The following PRR16 variants were observed in gnomAD, a reference collection of about 807,000 sequenced individuals.
PRR16 encodes proline rich 16.
PRR16 carries 6 observed loss-of-function variants against 18.2 expected under a neutral mutation model. That is an observed-to-expected ratio of 0.33 (90% CI 0.18 to 0.65). The LOEUF (loss-of-function observed/expected upper bound fraction) is 0.65. PRR16 is among the 30% of genes least tolerant of loss of function. The probability of loss-of-function intolerance (pLI) is 0.74; values close to 1 mark genes in which losing one functional copy is unlikely to be tolerated. For missense variants in PRR16, 412 were observed against 376.6 expected, an observed-to-expected ratio of 1.09 and a Z score of -0.78; for synonymous variants, 151 against 147.8, an observed-to-expected ratio of 1.02 and a Z score of -0.16.
At chr5:120,570,921 TAAAC>T (rs1353930857) in intron 1 of PRR16, among the ~76,000 whole-genome samples, 6 of 152,174 alleles carry the variant, frequency 3.9e-5, no homozygotes, top group South Asian at 2.1e-4. Flanking sequence ...AGACAGGAAA[TAAAC>T]AAGTGAATAG....
rs1458091241 is a variant in PRR16 at position 120,685,948 on chromosome 5, C to T, written c.160-6C>T. ...TTCAAAACAATTACCTTGTCCTTTC[C>T]ACTAGGTGGTTGACCAGATTGACAC... On this transcript the variant is annotated splice_region_variant and splice_polypyrimidine_tract_variant and intron_variant, in intron 1 of 1. Coordinates refer to ENST00000407149, the MANE Select transcript of PRR16 (RefSeq NM_001300783.2). The T allele has an allele frequency of 3.1e-6, 5 of 1,608,838 alleles. No individual in the cohort carries two copies. The highest frequency in any genetic ancestry group is 1.3e-5 in the African/African-American group (1 of 74,918).
At chr5:120,634,307 G>A (rs776280716) in intron 1 of PRR16, among the ~76,000 whole-genome samples, 132 of 152,192 alleles carry the variant, frequency 8.7e-4, no homozygotes, top group African/African-American at 2.9e-3. Context: ...TAGCAAAAAC[G>A]TGCTAAGAAG....
At chr5:120,756,960 TTTAG>T in the PRR16 span, among the ~76,000 whole-genome samples, 1 of 152,044 alleles carries the variant, frequency 6.6e-6, no homozygotes, top group Admixed American at 6.6e-5. Flanking sequence ...TTAATCCTTC[TTTAG>T]TTAATTTAGT....
intron 1 of PRR16, among the ~76,000 whole-genome samples, chr5:120,595,405 A>C (rs1230656747): frequency 6.7e-6 from 1 of 149,596 alleles, no homozygotes. Flanking sequence ...ACCATTTCAC[A>C]TTAGTCAGAA....
At chr5:120,536,738 C>G (rs541623629) in intron 1 of PRR16, among the ~76,000 whole-genome samples, 1 of 152,262 alleles carries the variant, frequency 6.6e-6, no homozygotes, top group Non-Finnish European at 1.5e-5. Context: ...TAATATAGTT[C>G]CCTTTGTTTA....
intron 1 of PRR16, among the ~76,000 whole-genome samples, chr5:120,616,844 C>A (rs1380996657): frequency 2.0e-5 from 3 of 152,152 alleles, no homozygotes; most frequent in African/African-American, 7.2e-5. Context: ...GATTGATTGA[C>A]TGATCAATAC....
chr5:120,696,449 TTGTATTCAAGTTGAAGAAATTGTATAG>T, the PRR16 span, among the ~76,000 whole-genome samples: 8 of 152,300 alleles, frequency 5.3e-5, no homozygotes, highest in Admixed American at 2.6e-4. Context: ...TGTATTCAAG[TTGTATTCAAGTTGAAGAAATTGTATAG>T]TGTATTCAAG....
intron 1 of PRR16, among the ~76,000 whole-genome samples, chr5:120,487,222 A>G (rs1471539961): frequency 1.3e-5 from 2 of 152,186 alleles, no homozygotes; most frequent in East Asian, 1.9e-4. Context: ...CATTGAATCT[A>G]TAAATTACCT....
At chr5:120,794,149 T>G in the PRR16 span, among the ~76,000 whole-genome samples, 1 of 152,128 alleles carries the variant, frequency 6.6e-6, no homozygotes, top group African/African-American at 2.4e-5. Context: ...AAAGATTTAC[T>G]TGCACTGCCA....
At chr5:120,528,099 A>G (rs551517505) in intron 1 of PRR16, among the ~76,000 whole-genome samples, 5 of 152,334 alleles carry the variant, frequency 3.3e-5, no homozygotes, top group African/African-American at 9.6e-5. Context: ...TTCTCCTGCC[A>G]TGCAATGTTG....
At position 120,646,299 on chromosome 5, in the gene PRR16, C is replaced by G. The variant is rs1044323509; in HGVS notation, c.160-39655C>G. On this transcript the variant is annotated intron_variant, in intron 1 of 1. Coordinates refer to ENST00000407149, the MANE Select transcript of PRR16 (RefSeq NM_001300783.2). ...ATTTATTTTCTGTTGTGACACCGTACTGGAATTTCATAAGGACAGGAATAG... is the reference window on the plus strand; with the variant it reads ...ATTTATTTTCTGTTGTGACACCGTAGTGGAATTTCATAAGGACAGGAATAG... 3.3e-5 allele frequency among the ~76,000 whole-genome samples: 5 copies of G among 151,838 alleles called. No homozygotes were observed. In the South Asian group the frequency reaches 1.0e-3, roughly 32 times the overall value.
At chr5:120,598,840 G>A (rs1037565) in intron 1 of PRR16, among the ~76,000 whole-genome samples, 30,925 of 151,582 alleles carry the variant, frequency 0.2, 4,639 homozygotes, top group African/African-American at 0.43. Flanking sequence ...AGTCTTCTTT[G>A]TTCTTATTAA....
intron 1 of PRR16, among the ~76,000 whole-genome samples, chr5:120,664,707 G>C (rs2150141030): frequency 6.6e-6 from 1 of 151,844 alleles, no homozygotes; most frequent in East Asian, 1.9e-4. Flanking sequence ...AACATGCAGT[G>C]TTTGGTTTTT....
chr5:120,472,790 G>C lies in PRR16; in HGVS notation c.159+8145G>C, dbSNP rs149772151. ...GGATGTGATGTCAGTGTGAAAATAGGTGGTATATTTATAATTCACGACTTT... is the reference window on the plus strand; with the variant it reads ...GGATGTGATGTCAGTGTGAAAATAGCTGGTATATTTATAATTCACGACTTT... On this transcript the variant is annotated intron_variant, in intron 1 of 1. Coordinates refer to ENST00000407149, the MANE Select transcript of PRR16 (RefSeq NM_001300783.2). Among the ~76,000 whole-genome samples the C allele has an allele frequency of 3.9e-5, 6 of 152,224 alleles. No individual in the cohort carries two copies. In the East Asian group the frequency reaches 1.2e-3, roughly 29 times the overall value.
chr5:120,601,585 A>G (rs998430166), intron 1 of PRR16, among the ~76,000 whole-genome samples: 2 of 151,922 alleles, frequency 1.3e-5, no homozygotes, highest in African/African-American at 4.8e-5. Context: ...CCCACTTACT[A>G]ATTTTTGTTT....
chr5:120,615,908 A>G lies in PRR16; in HGVS notation c.160-70046A>G, dbSNP rs566656823. ...GTTTATTGACTATATTCATGTGTGG[A>G]TGAATGATGAAGTTAAACTCCTTGA... On this transcript the variant is annotated intron_variant, in intron 1 of 1. Coordinates refer to ENST00000407149, the MANE Select transcript of PRR16 (RefSeq NM_001300783.2). Among the ~76,000 whole-genome samples, 4 of 152,264 alleles carry G rather than the reference A, an allele frequency of 2.6e-5. No homozygotes were observed. In the East Asian group the frequency reaches 7.7e-4, roughly 29 times the overall value.
downstream of PRR16, among the ~76,000 whole-genome samples, chr5:120,690,339 G>A (rs141683384): frequency 1.6e-3 from 248 of 152,192 alleles, 1 homozygote; most frequent in Middle Eastern, 3.4e-3. Context: ...AATCACTGCC[G>A]TGACTGAATT....
the PRR16 span, among the ~76,000 whole-genome samples, chr5:120,738,605 A>C: frequency 6.6e-6 from 1 of 152,152 alleles, no homozygotes; most frequent in Non-Finnish European, 1.5e-5. Context: ...AAACCTATGA[A>C]CATATAAAAC....
At chr5:120,564,003 C>T (rs192862797) in intron 1 of PRR16, among the ~76,000 whole-genome samples, 1 of 152,188 alleles carries the variant, frequency 6.6e-6, no homozygotes, top group East Asian at 1.9e-4. Context: ...CTCTTCAGGG[C>T]AGTGAGTCCC....
Sources: allele counts gnomAD v4.1 joint callset (sites outside exome capture counted in the v4.1 genomes callset), GRCh38; gene constraint gnomAD v4.1.1; transcripts MANE v1.5; gene names NCBI Gene and HGNC (gene_info 2026-07-23, HGNC 2026-07-21).